The following PHLDB2 variants were observed in gnomAD, a reference collection of about 807,000 sequenced individuals.
The protein encoded by PHLDB2 is pleckstrin homology like domain family B member 2.
In PHLDB2, 71 loss-of-function variants were observed where a neutral mutation model predicts 123.6. The observed-to-expected ratio is 0.57, with a 90% CI of 0.47 to 0.70. The LOEUF (loss-of-function observed/expected upper bound fraction) is 0.70. PHLDB2 is among the 30% of genes least tolerant of loss of function. The pLI is 0.00. For missense variants in PHLDB2, 1,446 were observed against 1,519.5 expected (o/e 0.95, Z 0.80); for synonymous variants, 547 against 541.6 (o/e 1.01, Z -0.14).
chr3:111,932,380 C>T lies in PHLDB2; in HGVS notation c.2113C>T (p.Gln705Ter). ...NCPESMREQL[Q>*]QQLKRDADLL... The stretch of plus-strand genomic sequence containing the variant: ...TCCTGAGTCCATGAGGGAACAGTTA[C>T]AACAACAACTGAAGAGGGTCAGTAG... The change falls in exon 6 of 18, where the codon CAA becomes TAA. Residue 705 changes from glutamine to a stop codon, truncating the protein, a stop_gained. Transcript: ENST00000431670. LOFTEE classifies it high-confidence loss of function. 1 of 1,550,968 alleles carries T rather than the reference C, an allele frequency of 6.4e-7. No individual in the cohort carries two copies. The highest frequency in any genetic ancestry group is 8.7e-7 in the Non-Finnish European group (1 of 1,146,444).
rs191018460 is a variant in PHLDB2 at position 111,902,316 on chromosome 3, G to A, written c.1336-11003G>A. Among the ~76,000 whole-genome samples, 641 of 152,242 alleles carry A rather than the reference G, an allele frequency of 4.2e-3. 5 individuals carry two copies. The highest frequency in any genetic ancestry group is 0.012 in the African/African-American group (513 of 41,570). On this transcript the variant is annotated intron_variant, in intron 2 of 17. Coordinates refer to ENST00000431670, the MANE Select transcript of PHLDB2 (RefSeq NM_001134438.2). ...GTAAATGAAAATCAAAATAGGCTGG[G>A]CATGGTAGCTCATGCCTGTAAATGC... is the stretch of plus-strand genomic sequence containing the variant.
At chr3:111,844,037 C>G (rs1364676990) in intron 1 of PHLDB2, among the ~76,000 whole-genome samples, 1 of 152,096 alleles carries the variant, frequency 6.6e-6, no homozygotes, top group Admixed American at 6.5e-5. Flanking sequence ...TGGCATCTAC[C>G]CTTACCTGCT....
At chr3:111,834,023 ATATATATAATATATGTAATAGAAT>A (rs1254043580) in intron 1 of PHLDB2, among the ~76,000 whole-genome samples, 15 of 108,074 alleles carry the variant, frequency 1.4e-4, no homozygotes, top group African/African-American at 6.2e-4. Flanking sequence ...TAATAGAATT[ATATATATAATATATGTAATAGAAT>A]TATATATAAT....
At chr3:111,790,855 C>T (rs781638243) in intron 1 of PHLDB2, among the ~76,000 whole-genome samples, 13 of 151,986 alleles carry the variant, frequency 8.6e-5, no homozygotes, top group Non-Finnish European at 1.5e-4. Context: ...TAAACATTTT[C>T]AAGAAAACCA....
intron 1 of PHLDB2, among the ~76,000 whole-genome samples, chr3:111,733,269 CT>C (rs1941564278): frequency 6.6e-6 from 1 of 152,246 alleles, no homozygotes; most frequent in Admixed American, 6.5e-5. Flanking sequence ...GCCTATTTAC[CT>C]AAGCTTATCA....
chr3:111,871,662 AAAAAAAACTCC>A (rs1481858516), intron 1 of PHLDB2, among the ~76,000 whole-genome samples: 3 of 92,906 alleles, frequency 3.2e-5, no homozygotes, highest in African/African-American at 9.1e-5. Flanking sequence ...ACAAACAAAC[AAAAAAAACTCC>A]AAAAAAACCT....
chr3:111,842,570 C>G (rs1389139115), intron 1 of PHLDB2, among the ~76,000 whole-genome samples: 2 of 152,158 alleles, frequency 1.3e-5, no homozygotes, highest in African/African-American at 4.8e-5. Flanking sequence ...TAAAAATCTT[C>G]TGTGAAGCTT....
At chr3:111,900,003 G>C (rs1577035759) in intron 2 of PHLDB2, among the ~76,000 whole-genome samples, 1 of 152,152 alleles carries the variant, frequency 6.6e-6, no homozygotes, top group African/African-American at 2.4e-5. Context: ...GTTTCACTTT[G>C]CACTTTTATG....
chr3:111,750,218 A>G (rs2059746380), intron 1 of PHLDB2, among the ~76,000 whole-genome samples: 1 of 152,220 alleles, frequency 6.6e-6, no homozygotes, highest in Non-Finnish European at 1.5e-5. Context: ...TTTAAAAAGA[A>G]AATTAAATTA....
At chr3:111,903,989 A>G (rs2067355992) in intron 2 of PHLDB2, among the ~76,000 whole-genome samples, 1 of 152,096 alleles carries the variant, frequency 6.6e-6, no homozygotes, top group Admixed American at 6.6e-5. Flanking sequence ...TCTGCTCTTC[A>G]AGTCCAGCTG....
chr3:111,973,761 A>G lies in PHLDB2; in HGVS notation c.3565A>G (p.Ile1189Val), dbSNP rs1449651540. 23 of 1,603,620 alleles carry G rather than the reference A, an allele frequency of 1.4e-5. No individual in the cohort carries two copies. In the Admixed American group the frequency reaches 3.3e-4, roughly 23 times the overall value. ...DKHETKLKGV[I>V]YFQAIEEVYY... ...GCATGAAACTAAATTGAAAGGAGTAATATACTTTCAAGCCATTGAAGAAGT... is the reference window on the plus strand; with the variant it reads ...GCATGAAACTAAATTGAAAGGAGTAGTATACTTTCAAGCCATTGAAGAAGT... Residue 1189 changes from isoleucine (I) to valine (V), a missense_variant, in exon 17 of 18, where the codon ATA becomes GTA. Ile to Val is a conservative substitution (Grantham distance 29). This residue lies in a region of PHLDB2 where 594 missense variants were observed against 646.0 expected (regional missense o/e 0.92). Coordinates refer to ENST00000431670, the MANE Select transcript of PHLDB2 (RefSeq NM_001134438.2).
At chr3:111,842,400 TG>T (rs1317276048) in intron 1 of PHLDB2, among the ~76,000 whole-genome samples, 1 of 152,230 alleles carries the variant, frequency 6.6e-6, no homozygotes, top group South Asian at 2.1e-4. Context: ...GTGTTACAAC[TG>T]GTGAACTGGT....
Position 111,866,014 on chromosome 3 carries a change from A to ATTTTTTTTTTTTTTTTTTTTTTTT in PHLDB2, c.-15+6439_-15+6462dup, listed in dbSNP as rs61038523. Among the ~76,000 whole-genome samples, 74 of 57,412 alleles carry ATTTTTTTTTTTTTTTTTTTTTTTT rather than the reference A, an allele frequency of 1.3e-3. 17 individuals are homozygous for ATTTTTTTTTTTTTTTTTTTTTTTT. Among genetic ancestry groups the ATTTTTTTTTTTTTTTTTTTTTTTT allele is most frequent in the East Asian group, 3.4e-3 (4 of 1,168 alleles). The allele number at this position is 57,412 out of a possible 152,430, so 37.7% of individuals were successfully genotyped here. A position where few individuals can be genotyped will look rare whatever the true frequency, so the allele number is the denominator to read the frequency against. On this transcript the variant is annotated intron_variant, in intron 1 of 17. Coordinates refer to ENST00000431670, the MANE Select transcript of PHLDB2 (RefSeq NM_001134438.2). ...TTTTAGAAACCTACCCCACCCACTCATTTTTTTTTTTTTTTTTTTTTTTTG... is the reference window on the plus strand; with the variant it reads ...TTTTAGAAACCTACCCCACCCACTCATTTTTTTTTTTTTTTTTTTTTTTTTTTTTTTTTTTTTTTTTTTTTTTTG...
chr3:111,801,187 C>T (rs1350853707), intron 1 of PHLDB2, among the ~76,000 whole-genome samples: 1 of 152,064 alleles, frequency 6.6e-6, no homozygotes, highest in African/African-American at 2.4e-5. Flanking sequence ...AAATACAAGG[C>T]CCCTTGTTCA....
chr3:111,909,800 A>C (rs1370493550), intron 2 of PHLDB2, among the ~76,000 whole-genome samples: 4 of 152,210 alleles, frequency 2.6e-5, no homozygotes, highest in South Asian at 4.1e-4. Context: ...ATCCCATTTC[A>C]ACTAAATTAT....
In PHLDB2 at chr3:111,924,569, A is replaced by G. The variant is rs567507918; in HGVS notation, c.2001+4150A>G. On this transcript the variant is annotated intron_variant, in intron 5 of 17. Transcript: ENST00000431670. ...GAGGCCTGTAGTCACACGGCCCATC[A>G]TGCCAAAGCGTAAGACAGAAGGAGG... Among the ~76,000 whole-genome samples, 7 of 152,372 alleles carry G rather than the reference A, an allele frequency of 4.6e-5. No homozygotes were observed. In the South Asian group the frequency reaches 1.0e-3, roughly 23 times the overall value.
intron 1 of PHLDB2, among the ~76,000 whole-genome samples, chr3:111,805,204 G>T (rs6772912): frequency 0.35 from 53,028 of 151,950 alleles, 9,587 homozygotes; most frequent in East Asian, 0.48. Context: ...TAGCAGCTTT[G>T]TTCATTATAG....
rs2071858596 is a variant in PHLDB2 at position 111,967,559 on chromosome 3, A to T, written c.3169-119A>T. On this transcript the variant is annotated intron_variant, in intron 14 of 17. Transcript: ENST00000431670. ...TGTTTTCTTGTAGGTTATGTATTAT[A>T]AGAGACTAGTCTACAAACCAAGATT... The T allele has an allele frequency of 4.7e-6, 5 of 1,066,602 alleles. No homozygotes were observed. In the South Asian group the frequency reaches 6.5e-5, roughly 14 times the overall value. The allele number at this position is 1,066,602 out of a possible 1,614,324, so 66.1% of individuals were successfully genotyped here.
intron 1 of PHLDB2, among the ~76,000 whole-genome samples, chr3:111,749,437 C>T (rs1457500178): frequency 6.6e-6 from 1 of 152,088 alleles, no homozygotes; most frequent in Non-Finnish European, 1.5e-5. Flanking sequence ...AAATTATATT[C>T]GTAAGCAAGA....
Sources: allele counts gnomAD v4.1 joint callset (sites outside exome capture counted in the v4.1 genomes callset), GRCh38; gene constraint gnomAD v4.1.1; regional missense constraint gnomAD v4.1.1; transcripts MANE v1.5; gene names NCBI Gene and HGNC (gene_info 2026-07-23, HGNC 2026-07-21).